The following AUTS2 variants were observed in gnomAD, a reference collection of about 807,000 sequenced individuals.
AUTS2 encodes the protein activator of transcription and developmental regulator AUTS2, also known as autism susceptibility gene 2 protein.
AUTS2 carries 17 observed loss-of-function variants against 112.4 expected under a neutral mutation model. That is an observed-to-expected ratio of 0.15 (90% CI 0.10 to 0.23). The LOEUF is 0.23. Ranked by LOEUF, AUTS2 falls within the 10% of genes least tolerant of loss-of-function variation. AUTS2 has a pLI of 1.00. For missense variants in AUTS2, 1,510 were observed against 1,701.6 expected (o/e 0.89, Z 1.98); for synonymous variants, 751 against 702.7 (o/e 1.07, Z -1.09).
chr7:70,032,556 G>A (rs1800829949), intron 2 of AUTS2, among the ~76,000 whole-genome samples: 1 of 151,966 alleles, frequency 6.6e-6, no homozygotes, highest in South Asian at 2.1e-4. Flanking sequence ...AAAAAATATG[G>A]TATTGAGACA....
chr7:69,949,987 C>T (rs1173880213), intron 2 of AUTS2, among the ~76,000 whole-genome samples: 6 of 152,120 alleles, frequency 3.9e-5, no homozygotes. Flanking sequence ...AAGGTCATTG[C>T]AGCATTAGAT....
intron 4 of AUTS2, among the ~76,000 whole-genome samples, chr7:70,370,512 C>G (rs970171173): frequency 1.3e-5 from 2 of 152,188 alleles, no homozygotes; most frequent in African/African-American, 4.8e-5. Context: ...TATGTCAGTA[C>G]TTCATCTCTT....
At chr7:70,197,130 A>T (rs571963031) in intron 4 of AUTS2, among the ~76,000 whole-genome samples, 2 of 152,118 alleles carry the variant, frequency 1.3e-5, no homozygotes, top group Non-Finnish European at 2.9e-5. Context: ...TGGAGTCAGA[A>T]ATTGTGCTCA....
chr7:69,600,030 C>T, intron 1 of AUTS2, 68 bp downstream of exon 1: 1 of 1,515,950 alleles, frequency 6.6e-7, no homozygotes, highest in Non-Finnish European at 9.1e-7. Context: ...CCCGGCTCTC[C>T]TGCCTCCCTC....
rs776644652 is a variant in AUTS2, at chr7:70,789,889, A to G, written c.2673A>G (p.Lys891=). 6.2e-7 allele frequency: 1 copy of G among 1,614,098 alleles called. No individual in the cohort carries two copies. The highest frequency in any genetic ancestry group is 8.5e-7 in the Non-Finnish European group (1 of 1,180,022). ...AGGCTCGGGAGAAGGACAAACCCAA[A>G]GAGAGGGAGAGAGACCACTCGGAAT... is the stretch of plus-strand genomic sequence containing the variant. ...NTEAREKDKP[K]ERERDHSESR... Residue 891 remains lysine, a synonymous_variant, in exon 19 of 19, where the codon AAA becomes AAG. Transcript: ENST00000342771.
At chr7:70,650,327 G>T (rs1486932289) in intron 5 of AUTS2, among the ~76,000 whole-genome samples, 1 of 152,172 alleles carries the variant, frequency 6.6e-6, no homozygotes, top group Admixed American at 6.5e-5. Context: ...CCTGTAACAG[G>T]GGAAGACCAC....
intron 5 of AUTS2, among the ~76,000 whole-genome samples, chr7:70,641,323 G>A (rs1434049546): frequency 3.3e-5 from 5 of 152,150 alleles, no homozygotes; most frequent in South Asian, 2.1e-4. Context: ...GCCAAGGCAG[G>A]CGGATCACAA....
At chr7:70,142,758 C>A (rs1008114093) in intron 4 of AUTS2, among the ~76,000 whole-genome samples, 2 of 152,124 alleles carry the variant, frequency 1.3e-5, no homozygotes, top group East Asian at 3.8e-4. Context: ...AGGTCATTGC[C>A]ATGGAATTCT....
At chr7:70,052,457 A>G (rs1440346957) in intron 2 of AUTS2, among the ~76,000 whole-genome samples, 1 of 152,168 alleles carries the variant, frequency 6.6e-6, no homozygotes, top group Non-Finnish European at 1.5e-5. Context: ...TGAAGCTTAG[A>G]GAGATTTTCC....
intron 5 of AUTS2, among the ~76,000 whole-genome samples, chr7:70,502,796 G>T (rs768307079): frequency 1.1e-4 from 16 of 152,160 alleles, no homozygotes; most frequent in Non-Finnish European, 2.1e-4. Context: ...TCACAGCTAT[G>T]GTATAGTCCT....
At chr7:69,743,230 G>T (rs1409767128) in intron 1 of AUTS2, among the ~76,000 whole-genome samples, 2 of 152,154 alleles carry the variant, frequency 1.3e-5, no homozygotes, top group African/African-American at 4.8e-5. Context: ...TCCTCACAGG[G>T]TTGTTGTAAA....
chr7:70,698,706 G>A, intron 6 of AUTS2, 86 bp downstream of exon 6: 1 of 1,033,842 alleles, frequency 9.7e-7, no homozygotes, highest in Non-Finnish European at 1.4e-6. Context: ...GAGCTAGAGT[G>A]ATCTTTCTCT....
intron 3 of AUTS2, among the ~76,000 whole-genome samples, chr7:70,125,348 A>T (rs1334610907): frequency 2.0e-5 from 3 of 150,826 alleles, no homozygotes; most frequent in Non-Finnish European, 2.9e-5. Flanking sequence ...TCTAAAGATA[A>T]TTTTTCCCCC....
chr7:69,699,463 TG>T (rs1248704811), intron 1 of AUTS2, among the ~76,000 whole-genome samples: 2 of 152,178 alleles, frequency 1.3e-5, no homozygotes, highest in Non-Finnish European at 2.9e-5. Context: ...CTTGCTGTTT[TG>T]TAGTTACCAA....
At chr7:69,603,870 A>G (rs1465320226) in intron 1 of AUTS2, among the ~76,000 whole-genome samples, 1 of 152,132 alleles carries the variant, frequency 6.6e-6, no homozygotes, top group Non-Finnish European at 1.5e-5. Context: ...GATGTGTTAG[A>G]TAGTGTTGGC....
intron 2 of AUTS2, among the ~76,000 whole-genome samples, chr7:70,107,651 A>G (rs915106491): frequency 4.0e-5 from 6 of 150,322 alleles, no homozygotes; most frequent in Non-Finnish European, 8.9e-5. Flanking sequence ...CTCACAATTA[A>G]GTTTATAACA....
intron 6 of AUTS2, among the ~76,000 whole-genome samples, chr7:70,760,514 C>A (rs190926778): frequency 2.0e-5 from 3 of 152,308 alleles, no homozygotes; most frequent in African/African-American, 7.2e-5. Context: ...ATATGAAGCA[C>A]GTGATTTTTC....
chr7:69,771,627 G>A (rs1788666990), intron 1 of AUTS2, among the ~76,000 whole-genome samples: 1 of 152,164 alleles, frequency 6.6e-6, no homozygotes, highest in African/African-American at 2.4e-5. Flanking sequence ...GTCAAGAAGA[G>A]TTTGGAGGAC....
chr7:70,419,906 C>A (rs1272642940), intron 4 of AUTS2, among the ~76,000 whole-genome samples: 1 of 152,008 alleles, frequency 6.6e-6, no homozygotes, highest in Non-Finnish European at 1.5e-5. Context: ...ATTTATATTT[C>A]CTCTTCCGTG....
Sources: gnomAD v4.1 joint callset for allele counts (sites outside exome capture counted in the v4.1 genomes callset) on GRCh38, gnomAD v4.1.1 for gene constraint, MANE v1.5 for transcripts, NCBI Gene and HGNC (gene_info 2026-07-23, HGNC 2026-07-21) for gene names.